The following ARHGAP28 variants were observed in gnomAD, a reference collection of about 807,000 sequenced individuals.
ARHGAP28 encodes the protein rho GTPase-activating protein 28.
A neutral mutation model predicts 90.7 loss-of-function variants in ARHGAP28; 56 were observed. The observed-to-expected ratio is 0.62, with a 90% CI of 0.50 to 0.77. The LOEUF (loss-of-function observed/expected upper bound fraction) is 0.77. ARHGAP28 is among the 30% of genes least tolerant of loss of function. The pLI is 0.00. For synonymous variants in ARHGAP28, 308 were observed against 323.3 expected (o/e 0.95, Z 0.51); for missense variants, 869 against 900.9 (o/e 0.96, Z 0.45).
chr18:6,762,862 G>C (rs4316830), intron 1 of ARHGAP28, among the ~76,000 whole-genome samples: 144,492 of 152,180 alleles, frequency 0.95, 69,020 homozygotes, highest in East Asian at 1. Flanking sequence ...GCCATCCAGT[G>C]TGTGACGTTT....
At chr18:6,890,693 G>C in intron 14 of ARHGAP28, 150 bp downstream of exon 14, 1 of 503,936 alleles carries the variant, frequency 2.0e-6, no homozygotes. Context: ...TGGAAAGTGG[G>C]TCCATAACAG....
chr18:6,824,951 C>T lies in ARHGAP28; in HGVS notation c.312C>T (p.Val104=), dbSNP rs779619301. 176 of 1,534,370 alleles carry T rather than the reference C, an allele frequency of 1.1e-4. 1 individual carries two copies. In the African/African-American group the frequency reaches 1.7e-3, roughly 15 times the overall value. The change falls in exon 2 of 18, where the codon GTC becomes GTT. Residue 104 remains valine, a synonymous_variant. Coordinates refer to ENST00000383472, the MANE Select transcript of ARHGAP28 (RefSeq NM_001366230.1). Reference sequence around the variant, plus strand: ...AAGAAGAGCCACCGCCAGCTGAGGTCACACCTGTGGATGGTAAGTTGCTGG... The same window carrying T: ...AAGAAGAGCCACCGCCAGCTGAGGTTACACCTGTGGATGGTAAGTTGCTGG... The part of the protein sequence containing the change: ...GGQEEPPPAE[V]TPVDEGELEA...
intron 7 of ARHGAP28, among the ~76,000 whole-genome samples, chr18:6,872,614 A>G (rs887282429): frequency 6.6e-6 from 1 of 152,056 alleles, no homozygotes; most frequent in African/African-American, 2.4e-5. Flanking sequence ...ACTCTTTCTG[A>G]GGGCAAAGTG....
chr18:6,745,847 A>G (rs1417157899), intron 1 of ARHGAP28, among the ~76,000 whole-genome samples: 2 of 152,132 alleles, frequency 1.3e-5, no homozygotes, highest in African/African-American at 4.8e-5. Context: ...ATTGTACCCA[A>G]TTGTCATCCA....
chr18:6,733,716 A>G lies in ARHGAP28; in HGVS notation c.122+3773A>G, dbSNP rs796200769. Among the ~76,000 whole-genome samples, 165 of 152,346 alleles carry G rather than the reference A, an allele frequency of 1.1e-3. 3 individuals carry two copies. The highest frequency in any genetic ancestry group is 3.8e-3 in the African/African-American group (159 of 41,586). ...CAACATCTTTCTGTCCCTAATAGGCATACAAACTTTTAAGTAGTTTAAAGC... is the reference window on the plus strand; with the variant it reads ...CAACATCTTTCTGTCCCTAATAGGCGTACAAACTTTTAAGTAGTTTAAAGC... On this transcript the variant is annotated intron_variant, in intron 1 of 17. Coordinates refer to ENST00000383472, the MANE Select transcript of ARHGAP28 (RefSeq NM_001366230.1).
intron 10 of ARHGAP28, among the ~76,000 whole-genome samples, chr18:6,877,334 G>T (rs2057139162): frequency 6.6e-6 from 1 of 152,210 alleles, no homozygotes; most frequent in South Asian, 2.1e-4. Context: ...CAGGAACCAG[G>T]ATTGGCTGGG....
At chr18:6,731,628 C>A (rs1307350583) in intron 1 of ARHGAP28, among the ~76,000 whole-genome samples, 2 of 152,180 alleles carry the variant, frequency 1.3e-5, no homozygotes, top group African/African-American at 2.4e-5. Context: ...TCTATGGGAG[C>A]CTTGGTACCA....
At chr18:6,873,353 A>C (rs551375128) in intron 7 of ARHGAP28, 56 bp from the exon 8 acceptor site, 1 of 1,488,038 alleles carries the variant, frequency 6.7e-7, no homozygotes, top group East Asian at 2.3e-5. Flanking sequence ...ATTTGAGTGA[A>C]CGCATAATAA....
intron 1 of ARHGAP28, among the ~76,000 whole-genome samples, chr18:6,799,337 A>G (rs1010919309): frequency 4.9e-4 from 75 of 152,230 alleles, no homozygotes; most frequent in African/African-American, 1.4e-3. Flanking sequence ...ATTCAGTGCT[A>G]TCTTCATCAA....
chr18:6,749,857 C>T (rs1214833694), intron 1 of ARHGAP28, among the ~76,000 whole-genome samples: 1 of 152,096 alleles, frequency 6.6e-6, no homozygotes, highest in Non-Finnish European at 1.5e-5. Context: ...TTAATTTTCA[C>T]TGACAGGTTA....
intron 1 of ARHGAP28, among the ~76,000 whole-genome samples, chr18:6,772,982 C>G (rs144482850): frequency 2.3e-4 from 35 of 152,144 alleles, no homozygotes; most frequent in African/African-American, 8.0e-4. Context: ...CTCAGGTGAT[C>G]CACCCGCCTC....
At position 6,868,138 on chromosome 18, in the gene ARHGAP28, T is replaced by A. The variant is rs757223639; in HGVS notation, c.727-12T>A. 6.2e-7 allele frequency: 1 copy of A among 1,611,154 alleles called. No homozygotes were observed. Among genetic ancestry groups the A allele is most frequent in the South Asian group, 1.1e-5 (1 of 90,958 alleles). On this transcript the variant is annotated splice_polypyrimidine_tract_variant and intron_variant, in intron 5 of 17. Coordinates refer to ENST00000383472, the MANE Select transcript of ARHGAP28 (RefSeq NM_001366230.1). ...GTAAAATGTTTTGTGTTCATCTTCC[T>A]TTGCTTGGCAGGCTATACTTGAGAC...
chr18:6,911,123 C>T (rs1600316244), intron 17 of ARHGAP28, among the ~76,000 whole-genome samples: 1 of 151,858 alleles, frequency 6.6e-6, no homozygotes, highest in African/African-American at 2.4e-5. Flanking sequence ...CGTGAGCCAC[C>T]GCGCTCGGCC....
At chr18:6,896,412 T>C in intron 15 of ARHGAP28, 90 bp from the exon 16 acceptor site, 1 of 1,439,710 alleles carries the variant, frequency 6.9e-7, no homozygotes, top group African/African-American at 1.4e-5. Flanking sequence ...TAATTCAGAG[T>C]AGCACTGATT....
chr18:6,891,175 G>C (rs1400495869), intron 14 of ARHGAP28, among the ~76,000 whole-genome samples: 1 of 152,194 alleles, frequency 6.6e-6, no homozygotes, highest in Non-Finnish European at 1.5e-5. Flanking sequence ...CCTAATGTGG[G>C]AGACAAATGT....
chr18:6,869,450 G>A (rs1398158154), intron 6 of ARHGAP28, among the ~76,000 whole-genome samples: 2 of 151,530 alleles, frequency 1.3e-5, no homozygotes, highest in East Asian at 1.9e-4. Flanking sequence ...TAGTAGAGAC[G>A]GCGTTTCTCT....
intron 1 of ARHGAP28, among the ~76,000 whole-genome samples, chr18:6,807,922 GC>G (rs2056530658): frequency 6.6e-6 from 1 of 152,216 alleles, no homozygotes; most frequent in African/African-American, 2.4e-5. Context: ...CTCTCCCTAA[GC>G]AATAAACTGG....
At chr18:6,790,288 T>C (rs561983313) in intron 1 of ARHGAP28, 2 of 152,354 alleles carry the variant, frequency 1.3e-5, no homozygotes, top group Non-Finnish European at 2.9e-5. Context: ...ATTAAGACTT[T>C]AATGTTGCTA....
At chr18:6,778,501 G>T (rs976130251) in intron 1 of ARHGAP28, among the ~76,000 whole-genome samples, 1 of 152,194 alleles carries the variant, frequency 6.6e-6, no homozygotes, top group Non-Finnish European at 1.5e-5. Flanking sequence ...AAGGCACAGG[G>T]TAGAGAGTCC....
Sources: allele counts gnomAD v4.1 joint callset (sites outside exome capture counted in the v4.1 genomes callset), GRCh38; gene constraint gnomAD v4.1.1; transcripts MANE v1.5; gene names NCBI Gene and HGNC (gene_info 2026-07-23, HGNC 2026-07-21).